Variants in SULT6B1 observed in about 807,000 individuals in gnomAD.
The protein encoded by SULT6B1 is sulfotransferase family 6B member 1.
In SULT6B1, 44 loss-of-function variants were observed where a neutral mutation model predicts 37.2. The ratio of observed to expected loss-of-function variants is 1.18; its 90% CI spans 0.93 to 1.52. The LOEUF is 1.52. Among genes scored for constraint, SULT6B1 ranks in the 40% most tolerant of loss-of-function variants. The probability of loss-of-function intolerance (pLI) is 0.00; values close to 1 mark genes in which losing one functional copy is unlikely to be tolerated. For missense variants in SULT6B1, 450 were observed against 361.0 expected (o/e 1.25, Z -2.00); for synonymous variants, 140 against 126.0 (o/e 1.11, Z -0.74).
intron 2 of SULT6B1, among the ~76,000 whole-genome samples, chr2:37,184,574 A>G (rs1676629020): frequency 6.6e-6 from 1 of 152,262 alleles, no homozygotes; most frequent in Admixed American, 6.5e-5. Context: ...AATGTAAGTG[A>G]TAAAAGGATA....
At chr2:37,186,710 A>T (rs1037372716) in intron 2 of SULT6B1, among the ~76,000 whole-genome samples, 2 of 151,826 alleles carry the variant, frequency 1.3e-5, no homozygotes, top group Non-Finnish European at 2.9e-5. Flanking sequence ...TGAGCAACGA[A>T]ATGAAACCCT....
chr2:37,171,215 G>A (rs1676289983), intron 6 of SULT6B1, among the ~76,000 whole-genome samples: 1 of 152,036 alleles, frequency 6.6e-6, no homozygotes, highest in Non-Finnish European at 1.5e-5. Flanking sequence ...ACTCCAGCCT[G>A]GGCAACAGAG....
chr2:37,179,490 T>C lies in SULT6B1; in HGVS notation c.497A>G (p.Asp166Gly). The change falls in exon 4 of 7, where the codon GAT becomes GGT. Residue 166 changes from aspartate to glycine, a missense_variant. Physicochemically the swap from Asp to Gly is moderately conservative, Grantham distance 94. Coordinates refer to ENST00000535679, the MANE Select transcript of SULT6B1 (RefSeq NM_001367551.1). ...VPDIPSYGSW[D>G]EFFRQFMKGQ... ...TTTCATGAACTGTCTGAAGAATTCA[T>C]CCCAAGAGCCATAGCTTGGAATATC... The C allele has an allele frequency of 6.2e-7, 1 of 1,614,074 alleles. No homozygotes were observed. The highest frequency in any genetic ancestry group is 8.5e-7 in the Non-Finnish European group (1 of 1,180,004).
At chr2:37,194,879 CCCTTCCTTCCTTCCTTCTTT>C (rs1232175766) in intron 1 of SULT6B1, 3 of 39,918 alleles carry the variant, frequency 7.5e-5, no homozygotes, top group Non-Finnish European at 1.6e-4. Context: ...CTCCCTCCCT[CCCTTCCTTCCTTCCTTCTTT>C]CCTTCCTTCC....
At chr2:37,168,603 A>G (rs1024524863) in intron 6 of SULT6B1, among the ~76,000 whole-genome samples, 10 of 152,164 alleles carry the variant, frequency 6.6e-5, no homozygotes, top group Non-Finnish European at 1.3e-4. Flanking sequence ...CCCTAACCCT[A>G]TTCCTCTCCA....
Position 37,195,074 on chromosome 2 carries a change from C to T in SULT6B1, c.-22+1442G>A, listed in dbSNP as rs899984268. ...AAGCAACTCTCCTGCCTTAGATTTC[C>T]GAATAGCTGGGATTACAGGCATGCT... is the stretch of plus-strand genomic sequence containing the variant. On this transcript the variant is annotated intron_variant, in intron 1 of 7. Transcript: ENST00000407963. Among the ~76,000 whole-genome samples the T allele has an allele frequency of 1.2e-4, 19 of 152,080 alleles. No individual in the cohort carries two copies. The East Asian group carries it at 1.9e-3, about 15-fold the overall frequency.
At position 37,167,869 on chromosome 2, in the gene SULT6B1, C is replaced by A; in HGVS notation, c.*66G>T. The A allele has an allele frequency of 2.3e-6, 3 of 1,333,008 alleles. No individual in the cohort carries two copies. The highest frequency in any genetic ancestry group is 2.9e-5 in the East Asian group (1 of 34,448). The allele number at this position is 1,333,008 out of a possible 1,614,324, so 82.6% of individuals were successfully genotyped here. A position where few individuals can be genotyped will look rare whatever the true frequency, so the allele number is the denominator to read the frequency against. On this transcript the variant is annotated 3_prime_UTR_variant, in exon 7 of 7. Transcript: ENST00000535679. ...TTATTTGATTATTTGATTGAATTAT[C>A]ATTTAATTATTTACACTTAATTATT...
intron 6 of SULT6B1, among the ~76,000 whole-genome samples, chr2:37,169,374 C>T (rs1337569858): frequency 1.3e-4 from 20 of 152,198 alleles, no homozygotes; most frequent in Admixed American, 1.3e-3. Flanking sequence ...CCTGACTCCA[C>T]TGTTTATTAG....
chr2:37,182,356 C>T (rs12994806), intron 3 of SULT6B1, among the ~76,000 whole-genome samples: 8 of 151,566 alleles, frequency 5.3e-5, no homozygotes, highest in African/African-American at 1.7e-4. Flanking sequence ...CAGATTCAAG[C>T]GATTCTGCTG....
rs751793326 is a variant in SULT6B1, at chr2:37,175,241, G to A, written c.530-15C>T. The A allele has an allele frequency of 4.8e-6, 7 of 1,471,956 alleles. No individual in the cohort carries two copies. Among genetic ancestry groups the A allele is most frequent in the Admixed American group, 2.0e-5 (1 of 49,558 alleles). 91.2% of individuals were successfully genotyped at this position (1,471,956 alleles called of 1,614,324 possible). ...TCCCCAAGAAACTAAAAACACAGGGGGGAAGACTTTAAGAAATGTCAAATA... is the reference window on the plus strand; with the variant it reads ...TCCCCAAGAAACTAAAAACACAGGGAGGAAGACTTTAAGAAATGTCAAATA... On this transcript the variant is annotated splice_polypyrimidine_tract_variant and intron_variant, in intron 4 of 6. Transcript: ENST00000535679.
chr2:37,167,934 A>C lies in SULT6B1; in HGVS notation c.*1T>G. On this transcript the variant is annotated 3_prime_UTR_variant, in exon 7 of 7. Coordinates refer to ENST00000535679, the MANE Select transcript of SULT6B1 (RefSeq NM_001367551.1). ...ATCTAGGCCTGCTGAATTGACTGGA[A>C]TCAACCCTGGCAATATGATTCATAC... is the stretch of plus-strand genomic sequence containing the variant. 1 of 1,579,896 alleles carries C rather than the reference A, an allele frequency of 6.3e-7. No homozygotes were observed. The highest frequency in any genetic ancestry group is 1.2e-5 in the South Asian group (1 of 83,458).
At chr2:37,171,212 C>T (rs1676289885) in intron 6 of SULT6B1, among the ~76,000 whole-genome samples, 1 of 152,134 alleles carries the variant, frequency 6.6e-6, no homozygotes, top group Admixed American at 6.5e-5. Context: ...TGCACTCCAG[C>T]CTGGGCAACA....
intron 6 of SULT6B1, among the ~76,000 whole-genome samples, chr2:37,170,750 A>C (rs1425289642): frequency 6.6e-6 from 1 of 151,064 alleles, no homozygotes; most frequent in African/African-American, 2.4e-5. Context: ...AAAAAAAAAA[A>C]AAAAAAAAAA....
In SULT6B1 at chr2:37,188,573, A is replaced by C. The variant is rs557508338; in HGVS notation, c.68T>G (p.Leu23Arg). The C allele has an allele frequency of 1.3e-6, 2 of 1,586,342 alleles. No homozygotes were observed. Among genetic ancestry groups the C allele is most frequent in the African/African-American group, 2.7e-5 (2 of 74,452 alleles). The change falls in exon 1 of 7, where the codon CTC (leucine) becomes CGC (arginine). Residue 23 changes from leucine (L) to arginine (R), a missense_variant. Leu to Arg is a moderately radical substitution (Grantham distance 102, BLOSUM62 -2). Transcript: ENST00000535679. ...EALEKSKETA[L>R]SHLFFTYQGI... ...CTGATAGGTGAAAAATAAATGAGAGAGTGCAGTTTCTTTTGATTTTTCTAA... is the reference window on the plus strand; with the variant it reads ...CTGATAGGTGAAAAATAAATGAGAGCGTGCAGTTTCTTTTGATTTTTCTAA...
chr2:37,188,483 G>C lies in SULT6B1; in HGVS notation c.158C>G (p.Ala53Gly), dbSNP rs777338426. The part of the protein sequence containing the change: ...ETFQALDTFE[A>G]RHDDIVLASY... The stretch of plus-strand genomic sequence containing the variant: ...TGCTAGCACGATGTCATCATGTCTG[G>C]CTTCGAAGGTGTCCAGCGCTTGGAA... The change falls in exon 1 of 7, where the codon GCC becomes GGC. Residue 53 changes from alanine to glycine, a missense_variant. Physicochemically the swap from Ala to Gly is moderately conservative, Grantham distance 60 (BLOSUM62 0). Transcript: ENST00000535679. 1 of 1,614,132 alleles carries C rather than the reference G, an allele frequency of 6.2e-7. No homozygotes were observed. Among genetic ancestry groups the C allele is most frequent in the Non-Finnish European group, 8.5e-7 (1 of 1,180,004 alleles).
rs1342582495 is a variant in SULT6B1, at chr2:37,168,018, C to T, written c.829G>A (p.Glu277Lys). The T allele has an allele frequency of 6.2e-7, 1 of 1,601,224 alleles. No individual in the cohort carries two copies. Among genetic ancestry groups the T allele is most frequent in the Admixed American group, 1.8e-5 (1 of 55,580 alleles). The part of the protein sequence containing the change: ...KNLFSEIQNQ[E>K]MDEKFKECLA... ...CACTCTTTGAATTTTTCATCCATTT[C>T]CTGGTTCTGAATTTCACTGAACAAA... Residue 277 changes from glutamate (E) to lysine (K), a missense_variant, in exon 7 of 7, where the codon GAA (glutamate) becomes AAA (lysine). By Grantham distance (56) the Glu-to-Lys change is moderately conservative. Transcript: ENST00000535679.
chr2:37,180,080 T>TG (rs1349440109), intron 3 of SULT6B1, among the ~76,000 whole-genome samples: 125 of 152,346 alleles, frequency 8.2e-4, no homozygotes, highest in African/African-American at 2.8e-3. Flanking sequence ...ATGAGGAAAG[T>TG]GTTCCTTTGG....
At chr2:37,190,851 T>C (rs1236995519), upstream of SULT6B1, among the ~76,000 whole-genome samples, 1 of 152,060 alleles carries the variant, frequency 6.6e-6, no homozygotes, top group Non-Finnish European at 1.5e-5. Flanking sequence ...CCAATGGTAG[T>C]GGAGAAAATG....
upstream of SULT6B1, among the ~76,000 whole-genome samples, chr2:37,193,294 TAA>T (rs55842015): frequency 3.0e-5 from 4 of 131,398 alleles, no homozygotes; most frequent in Non-Finnish European, 4.8e-5. Context: ...TGTCTCTACT[TAA>T]AAAAAAAAAA....
Sources: allele counts gnomAD v4.1 joint callset (sites outside exome capture counted in the v4.1 genomes callset), GRCh38; gene constraint gnomAD v4.1.1; transcripts MANE v1.5; gene names NCBI Gene and HGNC (gene_info 2026-07-23, HGNC 2026-07-21).